The following DLGAP2 variants were observed in gnomAD, a reference collection of about 807,000 sequenced individuals.
The protein encoded by DLGAP2 is DLG associated protein 2.
In DLGAP2, 26 loss-of-function variants were observed where a neutral mutation model predicts 100.3. That is an observed-to-expected ratio of 0.26 (90% CI 0.19 to 0.36). The LOEUF is 0.36. Among genes scored for constraint, DLGAP2 ranks in the 10% least tolerant of loss-of-function variants. The pLI, the probability that DLGAP2 is intolerant of heterozygous loss-of-function variation, is 1.00. For missense variants in DLGAP2, 1,858 were observed against 1,453.2 expected (o/e 1.28, Z -4.53); for synonymous variants, 886 against 630.1 (o/e 1.41, Z -6.08).
At chr8:1,316,037 TGG>T (rs1800735230) in intron 3 of DLGAP2, among the ~76,000 whole-genome samples, 1 of 86,922 alleles carries the variant, frequency 1.2e-5, no homozygotes, top group Non-Finnish European at 2.4e-5. Context: ...TCGAGACACT[TGG>T]CAGCTTTTAA....
intron 2 of DLGAP2, among the ~76,000 whole-genome samples, chr8:1,185,477 C>G (rs1797479819): frequency 6.6e-6 from 1 of 152,082 alleles, no homozygotes; most frequent in African/African-American, 2.4e-5. Flanking sequence ...CTGAAATTGA[C>G]TAAAAGGAGG....
chr8:791,561 A>C (rs897229369), intron 1 of DLGAP2, among the ~76,000 whole-genome samples: 1 of 152,236 alleles, frequency 6.6e-6, no homozygotes, highest in East Asian at 1.9e-4. Context: ...TAATATGACT[A>C]TACATTTAAA....
intron 2 of DLGAP2, among the ~76,000 whole-genome samples, chr8:1,027,648 G>A (rs1801845570): frequency 6.8e-6 from 1 of 147,282 alleles, no homozygotes; most frequent in Non-Finnish European, 1.5e-5. Flanking sequence ...TCCAGGTGGG[G>A]TACCAGGCGC....
intron 3 of DLGAP2, among the ~76,000 whole-genome samples, chr8:1,323,342 G>A (rs1800949241): frequency 6.6e-6 from 1 of 152,130 alleles, no homozygotes; most frequent in Admixed American, 6.5e-5. Context: ...AAACTCACAA[G>A]TTTTAAGGCT....
intron 3 of DLGAP2, among the ~76,000 whole-genome samples, chr8:1,477,183 C>T (rs937782191): frequency 8.5e-5 from 13 of 152,278 alleles, no homozygotes; most frequent in South Asian, 2.1e-4. Context: ...GAGGAAGTTG[C>T]GGGGGTGGAT....
At chr8:1,409,386 C>T (rs1213836869) in intron 3 of DLGAP2, among the ~76,000 whole-genome samples, 1 of 152,250 alleles carries the variant, frequency 6.6e-6, no homozygotes, top group Non-Finnish European at 1.5e-5. Flanking sequence ...CCCAGCTCTC[C>T]TTGGCAGTCC....
rs967718529 is a variant in DLGAP2, at chr8:813,642, C to A, written c.18+75817C>A. On this transcript the variant is annotated intron_variant, in intron 1 of 14. Transcript: ENST00000637795. ...GTGAGGGCCTAGACACTCGCTGATG[C>A]TGCTGGCTGAACCCTCCTCCAGGGG... Among the ~76,000 whole-genome samples, 4 of 152,174 alleles carry A rather than the reference C, an allele frequency of 2.6e-5. No individual in the cohort carries two copies. The South Asian group carries it at 6.2e-4, about 24-fold the overall frequency.
At chr8:1,576,179 G>A (rs541634732) in intron 6 of DLGAP2, among the ~76,000 whole-genome samples, 1 of 152,118 alleles carries the variant, frequency 6.6e-6, no homozygotes, top group African/African-American at 2.4e-5. Context: ...GTGCGATGGT[G>A]TCTCATTGTG....
chr8:1,199,406 G>C (rs1324440348), intron 2 of DLGAP2, among the ~76,000 whole-genome samples: 4 of 152,160 alleles, frequency 2.6e-5, no homozygotes, highest in African/African-American at 9.7e-5. Flanking sequence ...TTACAGAAGA[G>C]AAGTGAGCGC....
chr8:1,568,841 CTA>C (rs2130587997), intron 6 of DLGAP2, among the ~76,000 whole-genome samples: 2 of 138,176 alleles, frequency 1.4e-5, no homozygotes, highest in South Asian at 5.5e-4. Flanking sequence ...CCGTCTCTGC[CTA>C]TGGCCCCCAT....
intron 2 of DLGAP2, among the ~76,000 whole-genome samples, chr8:1,004,479 A>G (rs2129018951): frequency 6.6e-6 from 1 of 152,326 alleles, no homozygotes; most frequent in African/African-American, 2.4e-5. Flanking sequence ...GGAGTATTAT[A>G]TTCAAAATAG....
intron 3 of DLGAP2, among the ~76,000 whole-genome samples, chr8:1,500,280 G>C (rs1412222622): frequency 2.0e-5 from 3 of 152,210 alleles, no homozygotes; most frequent in African/African-American, 7.2e-5. Flanking sequence ...CTGGTGTCGG[G>C]CAGAGCCTCC....
intron 6 of DLGAP2, among the ~76,000 whole-genome samples, chr8:1,607,071 A>G (rs994961469): frequency 3.3e-5 from 5 of 152,040 alleles, no homozygotes; most frequent in Admixed American, 1.3e-4. Context: ...TGATAACTCA[A>G]TGTTTGACCT....
intron 3 of DLGAP2, among the ~76,000 whole-genome samples, chr8:1,358,089 C>T (rs990037958): frequency 6.6e-6 from 1 of 152,148 alleles, no homozygotes; most frequent in Non-Finnish European, 1.5e-5. Context: ...ACGCAGCCCC[C>T]TCCCAGGAGG....
chr8:1,492,151 C>T (rs1048691981), intron 3 of DLGAP2, among the ~76,000 whole-genome samples: 7 of 152,186 alleles, frequency 4.6e-5, no homozygotes, highest in Admixed American at 3.3e-4. Flanking sequence ...TCTGTGGAGA[C>T]TTGATCCTCG....
At chr8:1,181,126 CACTT>C (rs1396222167) in intron 2 of DLGAP2, among the ~76,000 whole-genome samples, 4 of 47,824 alleles carry the variant, frequency 8.4e-5, no homozygotes, top group South Asian at 8.0e-4. Context: ...CAAGGGCAGT[CACTT>C]ACTGTCGAGT....
chr8:1,322,731 C>T (rs1585258903), intron 3 of DLGAP2, among the ~76,000 whole-genome samples: 2 of 152,374 alleles, frequency 1.3e-5, no homozygotes, highest in East Asian at 3.9e-4. Context: ...AGATGATTCC[C>T]TGCGTTTCTT....
chr8:967,839 T>A (rs1340277802), intron 2 of DLGAP2, among the ~76,000 whole-genome samples: 1 of 47,244 alleles, frequency 2.1e-5, no homozygotes, highest in Admixed American at 2.0e-4. Flanking sequence ...TATATATATA[T>A]ATATATATAT....
At chr8:1,320,768 C>G (rs1800877756) in intron 3 of DLGAP2, among the ~76,000 whole-genome samples, 2 of 152,218 alleles carry the variant, frequency 1.3e-5, no homozygotes, top group South Asian at 4.1e-4. Flanking sequence ...TTCCCCCAAG[C>G]CATAGCCCCA....
Sources: allele counts gnomAD v4.1 joint callset (sites outside exome capture counted in the v4.1 genomes callset), GRCh38; gene constraint gnomAD v4.1.1; transcripts MANE v1.5; gene names NCBI Gene and HGNC (gene_info 2026-07-23, HGNC 2026-07-21).